Variants in CFAP61 observed in about 807,000 individuals in gnomAD.
CFAP61 encodes the protein cilia and flagella associated protein 61.
In CFAP61, 107 loss-of-function variants were observed where a neutral mutation model predicts 135.6. That is an observed-to-expected ratio of 0.79 (90% CI 0.67 to 0.93). The LOEUF (loss-of-function observed/expected upper bound fraction) is 0.93. Ranked by LOEUF, CFAP61 falls within the 40% of genes least tolerant of loss-of-function variation. CFAP61 has a pLI of 0.00. For synonymous variants in CFAP61, 575 were observed against 578.5 expected, an observed-to-expected ratio of 0.99 and a Z score of 0.09; for missense variants, 1,507 against 1,556.2, an observed-to-expected ratio of 0.97 and a Z score of 0.53.
At chr20:20,181,276 T>TACACACACACACACACAC (rs74180984) in intron 13 of CFAP61, among the ~76,000 whole-genome samples, 104 of 144,588 alleles carry the variant, frequency 7.2e-4, no homozygotes, top group African/African-American at 1.1e-3. Flanking sequence ...TGTGTATGTA[T>TACACACACACACACACAC]ACACACACAC....
intron 26 of CFAP61, among the ~76,000 whole-genome samples, chr20:20,354,577 G>A (rs1030529456): frequency 6.6e-6 from 1 of 151,954 alleles, no homozygotes; most frequent in African/African-American, 2.4e-5. Flanking sequence ...ATCTAAAGAA[G>A]TTGAATTCAT....
chr20:20,202,414 T>A (rs1348202802), intron 17 of CFAP61, among the ~76,000 whole-genome samples: 1 of 152,234 alleles, frequency 6.6e-6, no homozygotes, highest in African/African-American at 2.4e-5. Context: ...GTAAACAAGA[T>A]TCAGTGAAAA....
At chr20:20,285,920 CAA>C (rs11476999) in intron 22 of CFAP61, among the ~76,000 whole-genome samples, 60 of 110,242 alleles carry the variant, frequency 5.4e-4, no homozygotes, top group Middle Eastern at 4.4e-3. Flanking sequence ...GACCCTGTCT[CAA>C]AAAAAAAAAA....
At chr20:20,298,520 G>C (rs750982342) in intron 25 of CFAP61, 134 bp downstream of exon 25, 1 of 747,002 alleles carries the variant, frequency 1.3e-6, no homozygotes. Context: ...CAGAGATTTC[G>C]TTCTAATGAA....
intron 9 of CFAP61, among the ~76,000 whole-genome samples, chr20:20,149,599 T>C (rs1031878831): frequency 2.6e-5 from 4 of 152,150 alleles, no homozygotes; most frequent in African/African-American, 9.7e-5. Flanking sequence ...AAAATCCAGA[T>C]TACAGGAGAA....
At chr20:20,277,490 G>C (rs201136059) in intron 22 of CFAP61, 32 bp downstream of exon 22, 3 of 1,567,490 alleles carry the variant, frequency 1.9e-6, no homozygotes, top group Non-Finnish European at 2.6e-6. Context: ...TCACTCACCA[G>C]CCAGGGACAG....
intron 17 of CFAP61, among the ~76,000 whole-genome samples, chr20:20,226,807 A>G (rs1027579294): frequency 6.6e-6 from 1 of 152,218 alleles, no homozygotes; most frequent in Admixed American, 6.5e-5. Flanking sequence ...GAGGAAAGAG[A>G]GTGGGAGTAT....
intron 1 of CFAP61, chr20:20,052,832 T>C: frequency 9.1e-7 from 1 of 1,095,066 alleles, no homozygotes; most frequent in Non-Finnish European, 1.3e-6. Flanking sequence ...CTGCCGCCCT[T>C]TTAGGCTGCA....
intron 8 of CFAP61, among the ~76,000 whole-genome samples, chr20:20,131,213 A>G (rs1219001059): frequency 6.6e-6 from 1 of 151,382 alleles, no homozygotes; most frequent in Non-Finnish European, 1.5e-5. Context: ...GGTGCTGTGT[A>G]TTTGTTTTTG....
chr20:20,121,265 C>A (rs1392715280), intron 8 of CFAP61, among the ~76,000 whole-genome samples: 2 of 151,530 alleles, frequency 1.3e-5, no homozygotes, highest in Non-Finnish European at 2.9e-5. Context: ...GCCACTGCAA[C>A]TGGCTAATTT....
intron 17 of CFAP61, among the ~76,000 whole-genome samples, chr20:20,207,652 CAA>C (rs938017091): frequency 3.3e-5 from 5 of 152,146 alleles, no homozygotes; most frequent in Admixed American, 6.5e-5. Flanking sequence ...TATAAAATGA[CAA>C]AGAGGACAAT....
intron 8 of CFAP61, among the ~76,000 whole-genome samples, chr20:20,121,492 A>C (rs1397005292): frequency 6.7e-6 from 1 of 149,706 alleles, no homozygotes; most frequent in Non-Finnish European, 1.5e-5. Context: ...TTAGTTTTTA[A>C]AATTTTTAAA....
intron 25 of CFAP61, 54 bp downstream of exon 25, chr20:20,298,440 CTG>C: frequency 6.9e-7 from 1 of 1,459,852 alleles, no homozygotes; most frequent in Non-Finnish European, 9.5e-7. Context: ...TATATAATGT[CTG>C]TGAATGAGGG....
At chr20:20,097,865 A>G (rs920542734) in intron 7 of CFAP61, among the ~76,000 whole-genome samples, 2 of 152,214 alleles carry the variant, frequency 1.3e-5, no homozygotes, top group Non-Finnish European at 2.9e-5. Context: ...CAAATTGAAG[A>G]GTTTCTACCT....
intron 22 of CFAP61, among the ~76,000 whole-genome samples, chr20:20,281,830 A>T: frequency 6.6e-6 from 1 of 152,170 alleles, no homozygotes; most frequent in Non-Finnish European, 1.5e-5. Flanking sequence ...TTTGTGCAAG[A>T]TTGGTATTTT....
chr20:20,132,806 C>T (rs941808821), intron 8 of CFAP61, among the ~76,000 whole-genome samples: 3 of 152,050 alleles, frequency 2.0e-5, no homozygotes, highest in Admixed American at 2.0e-4. Flanking sequence ...AATATGGCCA[C>T]ATCAGCTTTC....
intron 25 of CFAP61, among the ~76,000 whole-genome samples, chr20:20,308,713 T>C (rs2056631869): frequency 6.6e-6 from 1 of 152,200 alleles, no homozygotes; most frequent in African/African-American, 2.4e-5. Context: ...GGTTTAGGAA[T>C]GCTGACTGGT....
intron 25 of CFAP61, among the ~76,000 whole-genome samples, chr20:20,307,305 A>G (rs1462389246): frequency 6.6e-6 from 1 of 152,232 alleles, no homozygotes; most frequent in African/African-American, 2.4e-5. Flanking sequence ...AATCTCATTG[A>G]GCATCAGTTT....
At chr20:20,317,458 C>T (rs1169790520) in intron 25 of CFAP61, among the ~76,000 whole-genome samples, 1 of 152,226 alleles carries the variant, frequency 6.6e-6, no homozygotes, top group Non-Finnish European at 1.5e-5. Flanking sequence ...TGCACAGTGA[C>T]AGATGGCAGA....
Sources: allele counts gnomAD v4.1 joint callset (sites outside exome capture counted in the v4.1 genomes callset), GRCh38; gene constraint gnomAD v4.1.1; transcripts MANE v1.5; gene names NCBI Gene and HGNC (gene_info 2026-07-23, HGNC 2026-07-21).